The following METTL8 variants were observed in gnomAD, a reference collection of about 807,000 sequenced individuals.
The protein encoded by METTL8 is methyltransferase 8, tRNA N3-cytidine.
In METTL8, 32 loss-of-function variants were observed where a neutral mutation model predicts 48.7. The observed-to-expected ratio is 0.66, with a 90% CI of 0.50 to 0.88. METTL8 has a LOEUF of 0.88. Among genes scored for constraint, METTL8 ranks in the 40% least tolerant of loss-of-function variants. METTL8 has a pLI of 0.00. For missense variants in METTL8, 464 were observed against 474.4 expected (o/e 0.98, Z 0.20); for synonymous variants, 136 against 157.1 (o/e 0.87, Z 1.01).
At position 171,358,985 on chromosome 2, in the gene METTL8, A is replaced by G. The variant is rs895311103; in HGVS notation, c.235+1437T>C. The stretch of plus-strand genomic sequence containing the variant: ...AAACAACTCAATAGGAAGAAAAAGA[A>G]AATCAGATTAAAAAATGGGCAAGGT... On this transcript the variant is annotated intron_variant, in intron 3 of 9. Coordinates refer to ENST00000375258, the MANE Select transcript of METTL8 (RefSeq NM_001321154.2). Among the ~76,000 whole-genome samples, 4 of 152,050 alleles carry G rather than the reference A, an allele frequency of 2.6e-5. No individual in the cohort carries two copies. In the South Asian group the frequency reaches 6.2e-4, roughly 24 times the overall value.
chr2:171,421,232 T>C (rs541898610), intron 1 of METTL8, among the ~76,000 whole-genome samples: 24 of 152,294 alleles, frequency 1.6e-4, no homozygotes, highest in Non-Finnish European at 5.9e-5. Flanking sequence ...AAACAGACAA[T>C]TATATTTTCA....
chr2:171,381,358 C>T (rs186407781), intron 2 of METTL8, among the ~76,000 whole-genome samples: 52 of 152,080 alleles, frequency 3.4e-4, no homozygotes, highest in East Asian at 3.3e-3. Context: ...AAAGACTTCA[C>T]GACAAAAACA....
intron 2 of METTL8, among the ~76,000 whole-genome samples, chr2:171,363,792 T>TTATATATATATATATATATATATGTGTA (rs200347847): frequency 2.1e-5 from 2 of 97,436 alleles, no homozygotes; most frequent in African/African-American, 8.2e-5. Flanking sequence ...TCCCCAAATT[T>TTATATATATATATATATATATATGTGTA]TATATATATA....
intron 4 of METTL8, among the ~76,000 whole-genome samples, chr2:171,338,668 T>A (rs957597776): frequency 6.7e-6 from 1 of 149,318 alleles, no homozygotes; most frequent in African/African-American, 2.5e-5. Flanking sequence ...AAGAAAAAGG[T>A]CACTAAAATG....
intron 1 of METTL8, among the ~76,000 whole-genome samples, chr2:171,423,609 C>T (rs540926016): frequency 6.6e-6 from 1 of 152,236 alleles, no homozygotes; most frequent in East Asian, 1.9e-4. Context: ...GTCATTCTTG[C>T]TATGCAAAGA....
intron 3 of METTL8, 81 bp from the exon 4 acceptor site, chr2:171,339,635 CAT>C (rs1686497788): frequency 4.7e-6 from 3 of 638,536 alleles, no homozygotes; most frequent in Non-Finnish European, 2.5e-6. Flanking sequence ...AATTGTTAAA[CAT>C]ATACATTATC....
chr2:171,405,623 C>T (rs946561124), intron 1 of METTL8, among the ~76,000 whole-genome samples: 11 of 152,112 alleles, frequency 7.2e-5, no homozygotes, highest in African/African-American at 2.4e-4. Context: ...ATTTGTTAAG[C>T]TGCAAAGATT....
intron 3 of METTL8, among the ~76,000 whole-genome samples, chr2:171,348,906 G>A (rs1683583024): frequency 6.6e-6 from 1 of 152,090 alleles, no homozygotes; most frequent in South Asian, 2.1e-4. Flanking sequence ...ATAAGAGTTG[G>A]GTAAAGTGTC....
In METTL8 at chr2:171,431,083, G is replaced by A. The variant is rs1692964001; in HGVS notation, c.-13+2800C>T. On this transcript the variant is annotated intron_variant, in intron 1 of 9. Coordinates refer to ENST00000375258, the MANE Select transcript of METTL8 (RefSeq NM_001321154.2). Reference sequence around the variant, plus strand: ...GTCCCCTCTTGGCTGAGAATGAAAGGAGTTAGCCAGCTTGCTTTAGGCAGA... The same window carrying A: ...GTCCCCTCTTGGCTGAGAATGAAAGAAGTTAGCCAGCTTGCTTTAGGCAGA... 2.0e-5 allele frequency among the ~76,000 whole-genome samples: 3 copies of A among 152,328 alleles called. No individual in the cohort carries two copies. In the South Asian group the frequency reaches 6.2e-4, roughly 32 times the overall value.
In METTL8 at chr2:171,376,170, T is replaced by C. The variant is rs967635962; in HGVS notation, c.144-15657A>G. On this transcript the variant is annotated intron_variant, in intron 2 of 9. Transcript: ENST00000375258. ...TTCCAACTGGGCTGGTCTATTTGCT[T>C]GCTTTGAATATACCTCTTGTATTTA... Among the ~76,000 whole-genome samples the C allele has an allele frequency of 2.0e-5, 3 of 152,220 alleles. No homozygotes were observed. The South Asian group carries it at 6.2e-4, about 31-fold the overall frequency.
Position 171,324,105 on chromosome 2 carries a change from C to A in METTL8, c.*67G>T. On this transcript the variant is annotated 3_prime_UTR_variant, in exon 10 of 10. Coordinates refer to ENST00000375258, the MANE Select transcript of METTL8 (RefSeq NM_001321154.2). ...TTTTTTCTCATTGTCTTTTGAGAAA[C>A]AATAGACTTACAGTAGTCCTTGAAT... 1 of 1,154,648 alleles carries A rather than the reference C, an allele frequency of 8.7e-7. No homozygotes were observed. The highest frequency in any genetic ancestry group is 1.2e-6 in the Non-Finnish European group (1 of 834,530). The allele number at this position is 1,154,648 out of a possible 1,614,324, so 71.5% of individuals were successfully genotyped here.
intron 3 of METTL8, among the ~76,000 whole-genome samples, chr2:171,354,808 A>G (rs939782073): frequency 1.3e-5 from 2 of 152,118 alleles, no homozygotes; most frequent in African/African-American, 2.4e-5. Context: ...TTTCAGCTCC[A>G]TCAGGTCTTT....
chr2:171,414,242 A>T (rs903728146), intron 1 of METTL8, among the ~76,000 whole-genome samples: 1 of 151,932 alleles, frequency 6.6e-6, no homozygotes, highest in Non-Finnish European at 1.5e-5. Context: ...ACGTGGAGAA[A>T]CCCCATTTCT....
At chr2:171,363,812 A>ATATATATATATATATATATG (rs1353749107) in intron 2 of METTL8, among the ~76,000 whole-genome samples, 2 of 138,324 alleles carry the variant, frequency 1.4e-5, no homozygotes, top group Non-Finnish European at 3.1e-5. Context: ...ATATATATAT[A>ATATATATATATATATATATG]TATCTTTTTT....
chr2:171,391,401 T>C (rs964885001), intron 2 of METTL8, among the ~76,000 whole-genome samples: 3 of 152,234 alleles, frequency 2.0e-5, no homozygotes, highest in Non-Finnish European at 4.4e-5. Flanking sequence ...TTCTGAGGTG[T>C]GCCTGTAATC....
At position 171,347,354 on chromosome 2, in the gene METTL8, A is replaced by G. The variant is rs1003053483; in HGVS notation, c.236-7800T>C. Among the ~76,000 whole-genome samples the G allele has an allele frequency of 7.2e-5, 11 of 152,166 alleles. No homozygotes were observed. In the East Asian group the frequency reaches 7.7e-4, roughly 11 times the overall value. ...TCACACTACGTACGGTTCTATGGGA[A>G]CTGTCATTTTCCTTTACTGCGGTTT... On this transcript the variant is annotated intron_variant, in intron 3 of 9. Coordinates refer to ENST00000375258, the MANE Select transcript of METTL8 (RefSeq NM_001321154.2).
In METTL8 at chr2:171,326,069, C is replaced by CA. The variant is rs749119534; in HGVS notation, c.939dup (p.Asp314Ter). 3 of 1,547,950 alleles carry CA rather than the reference C, an allele frequency of 1.9e-6. No homozygotes were observed. In the African/African-American group the frequency reaches 4.1e-5, roughly 21 times the overall value. ...TTTTTAAAACGAAGCTGAGTCTTAT[C>CA]ATATCTTCCATAGTCTCGAAATAAC... is the stretch of plus-strand genomic sequence containing the variant. On this transcript the variant is annotated frameshift_variant, in exon 8 of 10. Transcript: ENST00000375258. LOFTEE classifies it high-confidence loss of function.
At chr2:171,412,002 TAG>T (rs1036612046) in intron 1 of METTL8, among the ~76,000 whole-genome samples, 1 of 152,244 alleles carries the variant, frequency 6.6e-6, no homozygotes. Context: ...AGATGGCCAC[TAG>T]ACACTTGAAA....
Position 171,347,045 on chromosome 2 carries a change from T to C in METTL8, c.236-7491A>G, listed in dbSNP as rs142979455. On this transcript the variant is annotated intron_variant, in intron 3 of 9. Transcript: ENST00000375258. ...TGATAAGATGGTCACCCCCATAATG[T>C]GTTCCTTCTCCCTGCAGTGGTCCCC... 1.9e-3 allele frequency among the ~76,000 whole-genome samples: 292 copies of C among 152,332 alleles called. 7 individuals are homozygous for C. The East Asian group carries it at 0.029, about 15-fold the overall frequency.
Sources: gnomAD v4.1 joint callset for allele counts (sites outside exome capture counted in the v4.1 genomes callset) on GRCh38, gnomAD v4.1.1 for gene constraint, MANE v1.5 for transcripts, NCBI Gene and HGNC (gene_info 2026-07-23, HGNC 2026-07-21) for gene names.